The following ST8SIA5 variants were observed in gnomAD, a reference collection of about 807,000 sequenced individuals.
ST8SIA5 encodes alpha-2,8-sialyltransferase 8E.
A neutral mutation model predicts 40.2 loss-of-function variants in ST8SIA5; 24 were observed. That is an observed-to-expected ratio of 0.60 (90% CI 0.43 to 0.84). ST8SIA5 has a LOEUF of 0.84. Ranked by LOEUF, ST8SIA5 falls within the 40% of genes least tolerant of loss-of-function variation. The probability of loss-of-function intolerance (pLI) is 0.00; values close to 1 mark genes in which losing one functional copy is unlikely to be tolerated. For missense variants in ST8SIA5, 465 were observed against 498.5 expected (o/e 0.93, Z 0.64); for synonymous variants, 198 against 201.8 (o/e 0.98, Z 0.16).
intron 3 of ST8SIA5, among the ~76,000 whole-genome samples, chr18:46,690,032 C>T (rs761991159): frequency 1.3e-5 from 2 of 152,154 alleles, no homozygotes; most frequent in African/African-American, 2.4e-5. Flanking sequence ...AGACCAGAGG[C>T]CTGGCAAGGC....
At chr18:46,691,945 G>A (rs2039509658) in intron 3 of ST8SIA5, 1 of 563,724 alleles carries the variant, frequency 1.8e-6, no homozygotes, top group Non-Finnish European at 3.2e-6. Context: ...CTGCTGCAAG[G>A]ACTAAGGGAG....
chr18:46,736,768 G>C (rs1808482816), intron 1 of ST8SIA5, among the ~76,000 whole-genome samples: 1 of 152,082 alleles, frequency 6.6e-6, no homozygotes, highest in South Asian at 2.1e-4. Flanking sequence ...TACCAGGCTG[G>C]AGTGAGCGTG....
At position 46,752,903 on chromosome 18, in the gene ST8SIA5, A is replaced by G. The variant is rs186795350; in HGVS notation, c.131+3475T>C. ...TCACTGGGCTGTGACAGTACCTCCC[A>G]GCCTCTCTACCTCTTTAACCCTTCC... is the stretch of plus-strand genomic sequence containing the variant. On this transcript the variant is annotated intron_variant, in intron 1 of 6. Coordinates refer to ENST00000315087, the MANE Select transcript of ST8SIA5 (RefSeq NM_013305.6). Among the ~76,000 whole-genome samples, 4 of 152,296 alleles carry G rather than the reference A, an allele frequency of 2.6e-5. No homozygotes were observed. The East Asian group carries it at 7.7e-4, about 29-fold the overall frequency.
chr18:46,743,415 C>T (rs1029746710), intron 1 of ST8SIA5, among the ~76,000 whole-genome samples: 2 of 152,106 alleles, frequency 1.3e-5, no homozygotes, highest in African/African-American at 4.8e-5. Flanking sequence ...CTTCGTGATG[C>T]ATGCACAAGC....
rs552377517 is a variant in ST8SIA5 at position 46,745,566 on chromosome 18, C to A, written c.131+10812G>T. Among the ~76,000 whole-genome samples the A allele has an allele frequency of 3.3e-5, 5 of 152,248 alleles. No individual in the cohort carries two copies. In the South Asian group the frequency reaches 1.0e-3, roughly 32 times the overall value. On this transcript the variant is annotated intron_variant, in intron 1 of 6. Coordinates refer to ENST00000315087, the MANE Select transcript of ST8SIA5 (RefSeq NM_013305.6). Reference sequence around the variant, plus strand: ...CCAATAACAGGTTCTGATATTGAGGCAATAATTAATAGCCTACCAACCAAA... The same window carrying A: ...CCAATAACAGGTTCTGATATTGAGGAAATAATTAATAGCCTACCAACCAAA...
intron 1 of ST8SIA5, among the ~76,000 whole-genome samples, chr18:46,744,065 C>A (rs1407758598): frequency 6.6e-6 from 1 of 152,130 alleles, no homozygotes; most frequent in Non-Finnish European, 1.5e-5. Context: ...CTGAAGGAAG[C>A]ATTGAACATG....
At chr18:46,708,808 G>A (rs1197855621) in intron 1 of ST8SIA5, among the ~76,000 whole-genome samples, 2 of 152,152 alleles carry the variant, frequency 1.3e-5, no homozygotes, top group African/African-American at 4.8e-5. Context: ...TGGTCCTGCA[G>A]GGCCTCCTGT....
At chr18:46,742,596 T>C (rs2040098135) in intron 1 of ST8SIA5, among the ~76,000 whole-genome samples, 1 of 152,108 alleles carries the variant, frequency 6.6e-6, no homozygotes, top group African/African-American at 2.4e-5. Flanking sequence ...AGTAAAATAA[T>C]CCACTTTAAA....
chr18:46,749,534 A>C lies in ST8SIA5; in HGVS notation c.131+6844T>G, dbSNP rs540343827. On this transcript the variant is annotated intron_variant, in intron 1 of 6. Coordinates refer to ENST00000315087, the MANE Select transcript of ST8SIA5 (RefSeq NM_013305.6). ...TAATGAAAGAAAGAAAAATGTCTAC[A>C]TAGAAATCCCCAGATAATCTTCAGA... Among the ~76,000 whole-genome samples the C allele has an allele frequency of 5.3e-5, 8 of 152,376 alleles. No individual in the cohort carries two copies. The East Asian group carries it at 1.5e-3, about 29-fold the overall frequency.
chr18:46,701,775 A>AC (rs2039619332), intron 2 of ST8SIA5, among the ~76,000 whole-genome samples: 1 of 152,090 alleles, frequency 6.6e-6, no homozygotes, highest in Non-Finnish European at 1.5e-5. Flanking sequence ...CAGAAGGATG[A>AC]CCCCATTCAT....
At chr18:46,690,437 C>CA (rs2039493432) in intron 3 of ST8SIA5, among the ~76,000 whole-genome samples, 2 of 152,102 alleles carry the variant, frequency 1.3e-5, no homozygotes, top group Non-Finnish European at 2.9e-5. Flanking sequence ...GGCCTGATGT[C>CA]ACTGCCTTTT....
chr18:46,713,533 GAGA>G (rs1465661671), intron 1 of ST8SIA5, among the ~76,000 whole-genome samples: 1 of 152,138 alleles, frequency 6.6e-6, no homozygotes, highest in East Asian at 1.9e-4. Flanking sequence ...AGAGTGCAGA[GAGA>G]AGAAGAAAGA....
At chr18:46,685,619 C>A (rs950308612) in intron 5 of ST8SIA5, among the ~76,000 whole-genome samples, 2 of 152,156 alleles carry the variant, frequency 1.3e-5, no homozygotes, top group African/African-American at 4.8e-5. Context: ...ATGCTTCATG[C>A]GACCCCACTG....
intron 1 of ST8SIA5, 29 bp from the exon 2 acceptor site, chr18:46,704,693 G>A: frequency 6.3e-7 from 1 of 1,591,420 alleles, no homozygotes; most frequent in Non-Finnish European, 8.6e-7. Context: ...AGGTTAAACA[G>A]AGAAGCAGGT....
intron 1 of ST8SIA5, among the ~76,000 whole-genome samples, chr18:46,745,531 T>C (rs994315770): frequency 2.0e-5 from 3 of 152,102 alleles, no homozygotes; most frequent in African/African-American, 7.2e-5. Context: ...AAGTTGAATC[T>C]CTGAATAGAC....
rs903970664 is a variant in ST8SIA5, at chr18:46,679,296, T to C, written c.*746A>G. 2 of 152,206 alleles carry C rather than the reference T, an allele frequency of 1.3e-5. No individual in the cohort carries two copies. The highest frequency in any genetic ancestry group is 2.9e-5 in the Non-Finnish European group (2 of 68,090). The allele number at this position is 152,206 out of a possible 1,614,324, so 9.4% of individuals were successfully genotyped here. A position where few individuals can be genotyped will look rare whatever the true frequency, so the allele number is the denominator to read the frequency against. On this transcript the variant is annotated 3_prime_UTR_variant, in exon 7 of 7. Transcript: ENST00000315087. ...CTCATCAAAAGAGCTAACGCAGGAT[T>C]GAACCTGGGGGCACCAAGACCGCAT...
chr18:46,688,831 C>T lies in ST8SIA5; in HGVS notation c.400G>A (p.Val134Met). The change falls in exon 4 of 7, where the codon GTG becomes ATG. Residue 134 changes from valine to methionine, a missense_variant. By Grantham distance (21) the Val-to-Met change is conservative. Coordinates refer to ENST00000315087, the MANE Select transcript of ST8SIA5 (RefSeq NM_013305.6). ...ATGTGGTAGATGCCACTGGTGTCCA[C>T]CTCATACTTGAGCTTTGTCCCCAGG... ...TPLGTKLKYE[V>M]DTSGIYHINQ... 6.2e-7 allele frequency: 1 copy of T among 1,614,110 alleles called. No homozygotes were observed. Among genetic ancestry groups the T allele is most frequent in the Non-Finnish European group, 8.5e-7 (1 of 1,180,012 alleles).
chr18:46,692,136 AAGG>A (rs2039512034), intron 3 of ST8SIA5, 30 bp downstream of exon 3: 2 of 1,609,636 alleles, frequency 1.2e-6, no homozygotes, highest in South Asian at 1.1e-5. Flanking sequence ...AGAATCATAC[AAGG>A]AGAAGGGAGG....
intron 1 of ST8SIA5, among the ~76,000 whole-genome samples, chr18:46,705,952 G>T (rs374450940): frequency 1.1e-4 from 16 of 152,248 alleles, no homozygotes; most frequent in African/African-American, 2.6e-4. Context: ...ACAAACTTAT[G>T]TATGTGCTGC....
Sources: gnomAD v4.1 joint callset for allele counts (sites outside exome capture counted in the v4.1 genomes callset) on GRCh38, gnomAD v4.1.1 for gene constraint, MANE v1.5 for transcripts, NCBI Gene and HGNC (gene_info 2026-07-23, HGNC 2026-07-21) for gene names.